The following CARS2 variants were observed in gnomAD, a reference collection of about 807,000 sequenced individuals.
The protein encoded by CARS2 is cysteinyl-tRNA synthetase 2, mitochondrial.
Under a neutral mutation model 68.8 loss-of-function variants are expected in CARS2, and 52 were observed. The observed-to-expected ratio is 0.76, with a 90% CI of 0.61 to 0.95. CARS2 has a LOEUF of 0.95. CARS2 is among the 40% of genes least tolerant of loss of function. CARS2 has a pLI of 0.00. For synonymous variants in CARS2, 314 were observed against 303.6 expected, an observed-to-expected ratio of 1.03 and a Z score of -0.36; for missense variants, 780 against 754.2, an observed-to-expected ratio of 1.03 and a Z score of -0.40.
At chr13:110,664,282 G>A in intron 8 of CARS2, 5 of 799,582 alleles carry the variant, frequency 6.3e-6, no homozygotes, top group Non-Finnish European at 7.6e-6. Flanking sequence ...TAAGGTGGAA[G>A]GACCGCTTGA....
At chr13:110,654,509 C>T (rs937206638) in intron 9 of CARS2, among the ~76,000 whole-genome samples, 4 of 151,774 alleles carry the variant, frequency 2.6e-5, no homozygotes, top group Admixed American at 6.6e-5. Context: ...AGGGTAGGTG[C>T]GAGCTACCAA....
chr13:110,665,997 C>T lies in CARS2; in HGVS notation c.919+1343G>A, dbSNP rs1399109554. Reference sequence around the variant, plus strand: ...CTTTCTTCATCTGGGACAAGGGACACGACTACCTCTGTGCCTGAGACACAG... The same window carrying T: ...CTTTCTTCATCTGGGACAAGGGACATGACTACCTCTGTGCCTGAGACACAG... On this transcript the variant is annotated intron_variant, in intron 8 of 14. Coordinates refer to ENST00000257347, the MANE Select transcript of CARS2 (RefSeq NM_024537.4). The surrounding 1 kb of genome is among the most constrained non-coding windows in gnomAD (Gnocchi z 4.3). The T allele has an allele frequency of 1.1e-5, 11 of 985,166 alleles. No individual in the cohort carries two copies. Among genetic ancestry groups the T allele is most frequent in the East Asian group, 2.3e-4 (2 of 8,816 alleles). The allele number at this position is 985,166 out of a possible 1,614,324, so 61.0% of individuals were successfully genotyped here.
chr13:110,687,864 G>C (rs2063348099), intron 4 of CARS2, 38 bp from the exon 5 acceptor site: 1 of 1,564,338 alleles, frequency 6.4e-7, no homozygotes, highest in African/African-American at 1.4e-5. Flanking sequence ...TTTCCCTCGT[G>C]AGAAGCACAG....
chr13:110,679,567 A>G (rs796970766), intron 6 of CARS2, among the ~76,000 whole-genome samples: 110 of 92,922 alleles, frequency 1.2e-3, no homozygotes, highest in African/African-American at 4.0e-3. Flanking sequence ...GAAAGAAAGA[A>G]AGAGAGAGAA....
intron 9 of CARS2, among the ~76,000 whole-genome samples, chr13:110,657,458 G>A (rs989366474): frequency 1.3e-5 from 2 of 152,228 alleles, no homozygotes; most frequent in Non-Finnish European, 2.9e-5. Flanking sequence ...AACAGAGGCC[G>A]AGGGGTCTGT....
intron 14 of CARS2, 64 bp downstream of exon 14, chr13:110,642,251 C>A: frequency 7.7e-7 from 1 of 1,292,226 alleles, no homozygotes; most frequent in Non-Finnish European, 1.1e-6. Context: ...CCTCTGATGG[C>A]CCCACGTCCT....
rs151203641 is a variant in CARS2, at chr13:110,701,159, G to A, written c.393+279C>T. Among the ~76,000 whole-genome samples the A allele has an allele frequency of 3.3e-5, 5 of 152,148 alleles. No individual in the cohort carries two copies. The East Asian group carries it at 9.6e-4, about 29-fold the overall frequency. Reference sequence around the variant, plus strand: ...CTCATTGCAACCTTCGCCCCCCCAGGGTCAAGCGATTCTCCTGCCTGAGCC... The same window carrying A: ...CTCATTGCAACCTTCGCCCCCCCAGAGTCAAGCGATTCTCCTGCCTGAGCC... On this transcript the variant is annotated intron_variant, in intron 3 of 14. Transcript: ENST00000257347.
intron 1 of CARS2, among the ~76,000 whole-genome samples, chr13:110,711,860 T>TGAGC (rs1461908936): frequency 6.6e-6 from 1 of 152,256 alleles, no homozygotes; most frequent in Non-Finnish European, 1.5e-5. Flanking sequence ...GGCCCTGGAA[T>TGAGC]GAGCACCACT....
intron 7 of CARS2, among the ~76,000 whole-genome samples, chr13:110,667,721 C>A (rs1227587516): frequency 6.6e-6 from 1 of 152,062 alleles, no homozygotes; most frequent in African/African-American, 2.4e-5. Flanking sequence ...CTTTTTTTCT[C>A]TTTTTCTTTC....
chr13:110,694,912 A>G (rs1362381497), intron 3 of CARS2, among the ~76,000 whole-genome samples: 1 of 152,210 alleles, frequency 6.6e-6, no homozygotes, highest in African/African-American at 2.4e-5. Flanking sequence ...AATATGGGTA[A>G]AGAAAACGCA....
intron 6 of CARS2, 59 bp downstream of exon 6, chr13:110,682,992 C>T: frequency 1.6e-6 from 2 of 1,231,538 alleles, no homozygotes; most frequent in Non-Finnish European, 2.3e-6. Flanking sequence ...CTCATCTCCC[C>T]AGAGCTGAGA....
intron 3 of CARS2, among the ~76,000 whole-genome samples, chr13:110,689,286 C>CA: frequency 6.6e-6 from 1 of 152,268 alleles, no homozygotes; most frequent in Non-Finnish European, 1.5e-5. Flanking sequence ...CAGCACCTGC[C>CA]ACCTGCTAGT....
At chr13:110,706,914 C>G (rs1430762002), upstream of CARS2, among the ~76,000 whole-genome samples, 1 of 150,910 alleles carries the variant, frequency 6.6e-6, no homozygotes, top group Non-Finnish European at 1.5e-5. Context: ...ACCCAGCATA[C>G]AGTCTGCACC....
intron 3 of CARS2, among the ~76,000 whole-genome samples, chr13:110,698,834 T>C (rs1395375395): frequency 6.6e-6 from 1 of 151,956 alleles, no homozygotes; most frequent in Non-Finnish European, 1.5e-5. Context: ...TGAAACCGCA[T>C]CTCTACTAAA....
At chr13:110,680,995 G>A (rs1234343129) in intron 6 of CARS2, among the ~76,000 whole-genome samples, 2 of 152,222 alleles carry the variant, frequency 1.3e-5, no homozygotes, top group African/African-American at 2.4e-5. Context: ...TCGCTCCCTT[G>A]CCATTGTTGT....
intron 10 of CARS2, among the ~76,000 whole-genome samples, chr13:110,647,997 A>C (rs1384241556): frequency 1.3e-5 from 2 of 152,216 alleles, no homozygotes; most frequent in Non-Finnish European, 2.9e-5. Flanking sequence ...TGAAAACCAC[A>C]AGAATAAAAA....
At chr13:110,664,205 C>T in intron 8 of CARS2, 1 of 985,320 alleles carries the variant, frequency 1.0e-6, no homozygotes. Context: ...TCTGACACAA[C>T]TTCAAACAGG....
At chr13:110,643,935 C>G (rs1887744555) in intron 13 of CARS2, 1 of 331,612 alleles carries the variant, frequency 3.0e-6, no homozygotes, top group Admixed American at 4.2e-5. Flanking sequence ...CAGGGTGAGC[C>G]TCGCTGGGAA....
rs1241666447 is a variant in CARS2 at position 110,679,563 on chromosome 13, AAGAAAGAG to A, written c.656-2468_656-2461del. Among the ~76,000 whole-genome samples the A allele has an allele frequency of 9.0e-3, 438 of 48,556 alleles. 5 individuals carry two copies. Among genetic ancestry groups the A allele is most frequent in the African/African-American group, 0.017 (331 of 18,982 alleles). The allele number at this position is 48,556 out of a possible 152,430, so 31.9% of individuals were successfully genotyped here. On this transcript the variant is annotated intron_variant, in intron 6 of 14. Coordinates refer to ENST00000257347, the MANE Select transcript of CARS2 (RefSeq NM_024537.4). Reference sequence around the variant, plus strand: ...CAAAAGAAAAGAAAAGAAAGAAAGAAAGAAAGAGAGAGAAAGAAAGAAAGAAAGAAAGA... The same window carrying A: ...CAAAAGAAAAGAAAAGAAAGAAAGAAAGAGAAAGAAAGAAAGAAAGAAAGA...
Sources: gnomAD v4.1 joint callset for allele counts (sites outside exome capture counted in the v4.1 genomes callset) on GRCh38, gnomAD v4.1.1 for gene constraint, Gnocchi (gnomAD v3.1) non-coding constraint, MANE v1.5 for transcripts, NCBI Gene and HGNC (gene_info 2026-07-23, HGNC 2026-07-21) for gene names.